The following MIGA2 variants were observed in gnomAD, a reference collection of about 807,000 sequenced individuals.
MIGA2 encodes the protein mitoguardin 2, also known as family with sequence similarity 73, member B.
Under a neutral mutation model 69.9 loss-of-function variants are expected in MIGA2, and 36 were observed. That is an observed-to-expected ratio of 0.52 (90% CI 0.39 to 0.68). MIGA2 has a LOEUF of 0.68. Ranked by LOEUF, MIGA2 falls within the 30% of genes least tolerant of loss-of-function variation. The pLI, the probability that MIGA2 is intolerant of heterozygous loss-of-function variation, is 0.00. For missense variants in MIGA2, 660 were observed against 787.7 expected (o/e 0.84, Z 1.94); for synonymous variants, 333 against 349.2 (o/e 0.95, Z 0.52).
intron 1 of MIGA2, 84 bp from the exon 2 acceptor site, chr9:129,040,368 C>G: frequency 9.9e-7 from 1 of 1,007,636 alleles, no homozygotes; most frequent in Non-Finnish European, 1.3e-6. Flanking sequence ...CCTGCCTCCT[C>G]CCCCATGGAC....
In MIGA2 at chr9:129,067,882, TTG is replaced by T. The variant is rs1353412968; in HGVS notation, c.1269+14_1269+15del. The stretch of plus-strand genomic sequence containing the variant: ...CTGGAGGGCCGAGGGGTGAGTTGCT[TTG>T]TGCTGAACCCCGACATCCCGGGCTC... On this transcript the variant is annotated intron_variant, in intron 12 of 15. Transcript: ENST00000684074. The T allele has an allele frequency of 1.9e-6, 3 of 1,608,396 alleles. No homozygotes were observed.
At chr9:129,051,149 CA>C in intron 6 of MIGA2, 1 of 156,380 alleles carries the variant, frequency 6.4e-6, no homozygotes, top group African/African-American at 2.4e-5. Context: ...CTCGGCCTCC[CA>C]AAGTGCTGGG....
At chr9:129,042,151 C>T (rs529360340) in intron 2 of MIGA2, 153 bp from the exon 3 acceptor site, 30 of 683,240 alleles carry the variant, frequency 4.4e-5, no homozygotes, top group African/African-American at 3.3e-4. Context: ...TCAACTTCCC[C>T]GTCTAGGGTG....
intron 6 of MIGA2, among the ~76,000 whole-genome samples, chr9:129,051,780 G>A (rs1845557685): frequency 6.7e-6 from 1 of 149,086 alleles, no homozygotes; most frequent in African/African-American, 2.5e-5. Flanking sequence ...GTATTTTTTA[G>A]TAGAGACGGG....
chr9:129,065,564 G>A (rs1240457481), intron 11 of MIGA2, among the ~76,000 whole-genome samples: 1 of 151,960 alleles, frequency 6.6e-6, no homozygotes, highest in Non-Finnish European at 1.5e-5. Context: ...TTGCCAGGCT[G>A]GTCTCGAACT....
Position 129,069,274 on chromosome 9 carries a change from C to A in MIGA2, c.1458+145C>A. 9.8e-7 allele frequency: 1 copy of A among 1,019,164 alleles called. No homozygotes were observed. The highest frequency in any genetic ancestry group is 2.4e-5 in the East Asian group (1 of 41,020). The allele number at this position is 1,019,164 out of a possible 1,614,324, so 63.1% of individuals were successfully genotyped here. On this transcript the variant is annotated intron_variant, in intron 14 of 15. Coordinates refer to ENST00000684074, the MANE Select transcript of MIGA2 (RefSeq NM_001329990.2). The surrounding 1 kb of genome is among the most constrained non-coding windows in gnomAD (Gnocchi z 4.9). ...CCCCTTGTTCCGCCGTTACCTCTCC[C>A]TGTGCCAGGAGCTCCCTGGAGGCTC...
At chr9:129,042,862 G>A (rs1395179320) in intron 3 of MIGA2, among the ~76,000 whole-genome samples, 1 of 152,178 alleles carries the variant, frequency 6.6e-6, no homozygotes, top group East Asian at 1.9e-4. Flanking sequence ...TGTGGTTCTT[G>A]AATGATGCAG....
At chr9:129,062,039 C>CTTT (rs530280541) in intron 9 of MIGA2, among the ~76,000 whole-genome samples, 4 of 130,130 alleles carry the variant, frequency 3.1e-5, no homozygotes, top group Admixed American at 7.7e-5. Flanking sequence ...GAGAACTTGA[C>CTTT]TTTTTTTTTT....
At chr9:129,062,005 ATTATC>A (rs899752765) in intron 9 of MIGA2, among the ~76,000 whole-genome samples, 4 of 137,506 alleles carry the variant, frequency 2.9e-5, no homozygotes, top group African/African-American at 1.1e-4. Flanking sequence ...ATTATGTATT[ATTATC>A]TTATTATGAT....
At chr9:129,056,439 G>C (rs554849344) in intron 6 of MIGA2, among the ~76,000 whole-genome samples, 1 of 152,160 alleles carries the variant, frequency 6.6e-6, no homozygotes, top group South Asian at 2.1e-4. Context: ...AAGAACTACA[G>C]TAGGCAATGC....
Position 129,042,395 on chromosome 9 carries a change from A to G in MIGA2, c.188A>G (p.His63Arg), listed in dbSNP as rs777295558. The G allele has an allele frequency of 6.2e-7, 1 of 1,613,802 alleles. No homozygotes were observed. Among genetic ancestry groups the G allele is most frequent in the Non-Finnish European group, 8.5e-7 (1 of 1,180,030 alleles). ...ACTGTGGCCCTGGCCCTGGCTGCCC[A>G]CCAGCTGAAGAGGCGACGGAGGAGG... is the stretch of plus-strand genomic sequence containing the variant. ...LGTVALALAA[H>R]QLKRRRRRKK... Residue 63 changes from histidine to arginine, a missense_variant, in exon 3 of 16, where the codon CAC becomes CGC. By Grantham distance (29) the His-to-Arg change is conservative (BLOSUM62 0). Transcript: ENST00000684074.
rs1305176212 is a variant in MIGA2 at position 129,048,021 on chromosome 9, G to A, written c.308-406G>A. ...GCTGGGATTATAGGTGTGAGCCACC[G>A]TGCCCGGCCTTTTGTATATTTTTAA... On this transcript the variant is annotated intron_variant, in intron 3 of 15. Transcript: ENST00000684074. Among the ~76,000 whole-genome samples, 7 of 152,252 alleles carry A rather than the reference G, an allele frequency of 4.6e-5. No individual in the cohort carries two copies. In the East Asian group the frequency reaches 5.8e-4, roughly 13 times the overall value.
chr9:129,056,804 C>G (rs1250526061), intron 6 of MIGA2, among the ~76,000 whole-genome samples: 2 of 152,134 alleles, frequency 1.3e-5, no homozygotes, highest in Non-Finnish European at 1.5e-5. Context: ...AGGCATGAGC[C>G]ACTGCACCCA....
rs1270759897 is a variant in MIGA2, at chr9:129,063,729, G to A, written c.1170+98G>A. The A allele has an allele frequency of 2.6e-6, 3 of 1,150,158 alleles. No homozygotes were observed. The East Asian group carries it at 7.4e-5, about 28-fold the overall frequency. 71.2% of individuals were successfully genotyped at this position (1,150,158 alleles called of 1,614,324 possible). On this transcript the variant is annotated intron_variant, in intron 11 of 15. Transcript: ENST00000684074. ...CAGAGGGAACCCCTGTGCACAGGCT[G>A]ATACACGTTCCTCCTACTCCGTTCT...
chr9:129,044,935 C>T (rs939393969), intron 3 of MIGA2, among the ~76,000 whole-genome samples: 5 of 145,430 alleles, frequency 3.4e-5, no homozygotes, highest in African/African-American at 5.1e-5. Flanking sequence ...CGCGGTGGCT[C>T]ATGCTTATAA....
At position 129,045,216 on chromosome 9, in the gene MIGA2, C is replaced by T. The variant is rs192975981; in HGVS notation, c.307+2702C>T. Among the ~76,000 whole-genome samples the T allele has an allele frequency of 4.0e-5, 6 of 149,262 alleles. No homozygotes were observed. The Admixed American group carries it at 4.0e-4, about 10-fold the overall frequency. The stretch of plus-strand genomic sequence containing the variant: ...CAGCACTTTGAGAGGCTGAGGTGGG[C>T]GGGTCACCTGAGGACAGCAGTTCCA... On this transcript the variant is annotated intron_variant, in intron 3 of 15. Transcript: ENST00000684074.
At position 129,059,062 on chromosome 9, in the gene MIGA2, C is replaced by A; in HGVS notation, c.676-92C>A. 8.8e-7 allele frequency: 1 copy of A among 1,140,386 alleles called. No individual in the cohort carries two copies. The highest frequency in any genetic ancestry group is 1.3e-6 in the Non-Finnish European group (1 of 765,130). The allele number at this position is 1,140,386 out of a possible 1,614,324, so 70.6% of individuals were successfully genotyped here. Reference sequence around the variant, plus strand: ...TTAGCTGCTGGGTCCTAGAGCTCCTCCCCTTTCCCCAGGGACCTGGGGGTG... The same window carrying A: ...TTAGCTGCTGGGTCCTAGAGCTCCTACCCTTTCCCCAGGGACCTGGGGGTG... On this transcript the variant is annotated intron_variant, in intron 6 of 15. Coordinates refer to ENST00000684074, the MANE Select transcript of MIGA2 (RefSeq NM_001329990.2). This position sits in a 1 kb window ranked among gnomAD's most constrained non-coding sequence, Gnocchi z 5.6.
At chr9:129,062,569 C>T (rs895896932) in intron 9 of MIGA2, among the ~76,000 whole-genome samples, 11 of 149,476 alleles carry the variant, frequency 7.4e-5, no homozygotes, top group Admixed American at 6.7e-4. Flanking sequence ...CTGGGCCAGG[C>T]GCCATGACTC....
At chr9:129,045,946 CG>C (rs1294297404) in intron 3 of MIGA2, among the ~76,000 whole-genome samples, 42 of 151,696 alleles carry the variant, frequency 2.8e-4, no homozygotes, top group Non-Finnish European at 4.3e-4. Context: ...CTCCGCCTCC[CG>C]GGTTCAAGCA....
Sources: allele counts gnomAD v4.1 joint callset (sites outside exome capture counted in the v4.1 genomes callset), GRCh38; gene constraint gnomAD v4.1.1; non-coding constraint Gnocchi (gnomAD v3.1); transcripts MANE v1.5; gene names NCBI Gene and HGNC (gene_info 2026-07-23, HGNC 2026-07-21).